RBM3: variants seen among roughly 807,000 people sequenced by gnomAD.
The protein encoded by RBM3 is RNA binding motif protein 3, also known as RNA-binding protein 3.
In RBM3, 3 loss-of-function variants were observed where a neutral mutation model predicts 12.0. The ratio of observed to expected loss-of-function variants is 0.25; its 90% CI spans 0.11 to 0.65. RBM3 has a LOEUF of 0.65. RBM3 is among the 30% of genes least tolerant of loss of function. The pLI is 0.84. For synonymous variants in RBM3, 58 were observed against 45.7 expected, an observed-to-expected ratio of 1.27 and a Z score of -1.08; for missense variants, 108 against 134.5, an observed-to-expected ratio of 0.80 and a Z score of 0.97.
At chrX:48,577,204 G>T in intron 6 of RBM3, 95 bp downstream of exon 6, 1 of 1,174,976 alleles carries the variant, frequency 8.5e-7, no homozygotes, top group Non-Finnish European at 1.1e-6. Flanking sequence ...CATTTCTGCT[G>T]CCCTCATACC....
intron 5 of RBM3, among the ~76,000 whole-genome samples, 160 bp downstream of exon 5, chrX:48,576,764 C>T (rs1305457682): frequency 3.6e-5 from 4 of 111,399 alleles, no homozygotes; most frequent in African/African-American, 9.8e-5. Flanking sequence ...CATATAGTTG[C>T]GACATGGTAA....
Position 48,577,125 on chromosome X carries a change from C to T in RBM3, c.*23+16C>T, listed in dbSNP as rs2062084414. 1 of 1,209,766 alleles carries T rather than the reference C, an allele frequency of 8.3e-7. No individual in the cohort carries two copies. Among genetic ancestry groups the T allele is most frequent in the Non-Finnish European group, 1.1e-6 (1 of 894,851 alleles). ...CATAATATAGGTGAGACTTGGATAT[C>T]GGCATTGAGTGAACCTGTTTGTCAC... On this transcript the variant is annotated intron_variant, in intron 6 of 6. Transcript: ENST00000376759.
chrX:48,577,014 T>C lies in RBM3; in HGVS notation c.414-12T>C, dbSNP rs926152. On this transcript the variant is annotated splice_polypyrimidine_tract_variant and intron_variant, in intron 5 of 6. Transcript: ENST00000376759. ...TACCAGAAAACTTTTGTGTGTTTTT[T>C]TTCCCCCCCAGAAACCAGGGTGGTT... 0.33 allele frequency: 401,356 copies of C among 1,204,791 alleles called. 46,614 individuals carry two copies. Among genetic ancestry groups the C allele is most frequent in the East Asian group, 0.47 (15,556 of 33,399 alleles).
rs782733252 is a variant in RBM3 at position 48,578,671 on chromosome X, G to A, written c.*1230G>A. ...GAGGGTTAGGTGTACATTGAGGCCTGAGGCCTGCTGGAATTGGGTTTCCTT... is the reference window on the plus strand; with the variant it reads ...GAGGGTTAGGTGTACATTGAGGCCTAAGGCCTGCTGGAATTGGGTTTCCTT... On this transcript the variant is annotated 3_prime_UTR_variant, in exon 7 of 7. Coordinates refer to ENST00000376759, the MANE Select transcript of RBM3 (RefSeq NM_006743.5). 1 of 111,921 alleles carries A rather than the reference G, an allele frequency of 8.9e-6. No individual in the cohort carries two copies. The highest frequency in any genetic ancestry group is 1.9e-5 in the Non-Finnish European group (1 of 53,228). 9.2% of individuals were successfully genotyped at this position (111,921 alleles called of 1,213,427 possible).
chrX:48,575,155 G>A lies in RBM3; in HGVS notation c.-13-13G>A, dbSNP rs1368699402. The stretch of plus-strand genomic sequence containing the variant: ...TCTCCTTCCTGCCACCATTCTTCAT[G>A]TTCTTCCCACAGGACTTGAACTGCC... On this transcript the variant is annotated splice_polypyrimidine_tract_variant and intron_variant, in intron 1 of 6. Coordinates refer to ENST00000376759, the MANE Select transcript of RBM3 (RefSeq NM_006743.5). The A allele has an allele frequency of 1.8e-6, 2 of 1,135,883 alleles. No individual in the cohort carries two copies. Among genetic ancestry groups the A allele is most frequent in the African/African-American group, 3.6e-5 (2 of 55,507 alleles). The allele number at this position is 1,135,883 out of a possible 1,213,427, so 93.6% of individuals were successfully genotyped here.
rs149944222 is a variant in RBM3, at chrX:48,575,539, C to G, written c.104-22C>G. On this transcript the variant is annotated intron_variant, in intron 2 of 6. Transcript: ENST00000376759. ...GGGGTACTGACTGGTCCACATTGCT[C>G]CATCTTCTCTCCCTCTCACAGTGGT... 9.8e-5 allele frequency: 116 copies of G among 1,184,547 alleles called. No homozygotes were observed. The African/African-American group carries it at 1.8e-3, about 19-fold the overall frequency.
intron 1 of RBM3, chrX:48,574,878 A>G (rs1045601366): frequency 5.1e-6 from 2 of 394,448 alleles, no homozygotes; most frequent in Non-Finnish European, 9.5e-6. Context: ...TGCCGGCGTT[A>G]AGGGAACGCA....
chrX:48,577,088 A>C lies in RBM3; in HGVS notation c.*2A>C. Reference sequence around the variant, plus strand: ...TACAGAGACAATTATGACAACTGAAATGAGACATGCACATAATATAGGTGA... The same window carrying C: ...TACAGAGACAATTATGACAACTGAACTGAGACATGCACATAATATAGGTGA... On this transcript the variant is annotated 3_prime_UTR_variant, in exon 6 of 7. Transcript: ENST00000376759. 1.7e-6 allele frequency: 2 copies of C among 1,211,847 alleles called. No homozygotes were observed. Among genetic ancestry groups the C allele is most frequent in the African/African-American group, 3.5e-5 (2 of 57,792 alleles).
rs1269688514 is a variant in RBM3 at position 48,574,559 on chromosome X, C to G, written c.-28C>G. On this transcript the variant is annotated 5_prime_UTR_variant, in exon 1 of 7. Coordinates refer to ENST00000376759, the MANE Select transcript of RBM3 (RefSeq NM_006743.5). ...GCTCGCTGTTCGTCCGGGTTTTTTA[C>G]GTTTTAATTTCCAGGTAAGTTGCAT... The G allele has an allele frequency of 3.0e-6, 1 of 331,179 alleles. No individual in the cohort carries two copies. The highest frequency in any genetic ancestry group is 2.6e-5 in the African/African-American group (1 of 38,045). 27.3% of individuals were successfully genotyped at this position (331,179 alleles called of 1,213,427 possible).
At chrX:48,576,681 T>A in intron 5 of RBM3, 77 bp downstream of exon 5, 1 of 1,119,767 alleles carries the variant, frequency 8.9e-7, no homozygotes, top group Non-Finnish European at 1.2e-6. Context: ...TGTTCATGCA[T>A]ACCACACCTT....
At chrX:48,575,098 G>A in intron 1 of RBM3, 70 bp from the exon 2 acceptor site, 3 of 766,302 alleles carry the variant, frequency 3.9e-6, no homozygotes, top group Non-Finnish European at 5.9e-6. Flanking sequence ...TCTGCTTTCC[G>A]TCTCGCTATT....
intron 6 of RBM3, 26 bp from the exon 7 acceptor site, chrX:48,577,439 A>G (rs1453322690): frequency 1.0e-6 from 1 of 992,021 alleles, no homozygotes; most frequent in South Asian, 2.1e-5. Context: ...ATGACATCAC[A>G]ATTCTCCCCC....
At position 48,580,342 on chromosome X, in the gene RBM3, A is replaced by G. The variant is rs2062097015; in HGVS notation, c.*2901A>G. Among the ~76,000 whole-genome samples, 1 of 111,783 alleles carries G rather than the reference A, an allele frequency of 8.9e-6. No individual in the cohort carries two copies. The highest frequency in any genetic ancestry group is 9.6e-5 in the Admixed American group (1 of 10,381). On this transcript the variant is annotated 3_prime_UTR_variant, in exon 7 of 7. Coordinates refer to ENST00000376759, the MANE Select transcript of RBM3 (RefSeq NM_006743.5). ...TTAATTTCTTCTCTGCCTCAGTTAT[A>G]ACATCCATAAAATGGAAATAATAAT...
rs1300357201 is a variant in RBM3, at chrX:48,574,816, C to T, written c.-14+243C>T. The stretch of plus-strand genomic sequence containing the variant: ...GGCGTCGGTGGTGGCAGTGACCACG[C>T]GACAGCCGACACTTACTTTCCTTAT... On this transcript the variant is annotated intron_variant, in intron 1 of 6. Coordinates refer to ENST00000376759, the MANE Select transcript of RBM3 (RefSeq NM_006743.5). The T allele has an allele frequency of 8.8e-6, 3 of 340,308 alleles. No homozygotes were observed. In the Admixed American group the frequency reaches 9.3e-5, roughly 11 times the overall value. 28.0% of individuals were successfully genotyped at this position (340,308 alleles called of 1,213,427 possible). A position where few individuals can be genotyped will look rare whatever the true frequency, so the allele number is the denominator to read the frequency against.
Position 48,576,362 on chromosome X carries a change from CG to C in RBM3, c.263del (p.Gly88GlufsTer110). 8.3e-7 allele frequency: 1 copy of C among 1,211,088 alleles called. No individual in the cohort carries two copies. The highest frequency in any genetic ancestry group is 2.2e-5 in the Admixed American group (1 of 45,938). ...TGTGGATCATGCAGGCAAGTCTGCT[CG>C]GGGAACCAGAGGAGGTGGCTTTGGG... ...IRVDHAGKSA[R>X]GTRGGGFGAH... is the part of the protein sequence containing the mutation. On this transcript the variant is annotated frameshift_variant, in exon 4 of 7. Transcript: ENST00000376759. LOFTEE classifies it high-confidence loss of function.
intron 6 of RBM3, 39 bp downstream of exon 6, chrX:48,577,148 C>T: frequency 1.7e-6 from 2 of 1,208,655 alleles, no homozygotes; most frequent in Non-Finnish European, 2.2e-6. Flanking sequence ...ACCTGTTTGT[C>T]ACACTCTGTC....
chrX:48,576,959 C>T (rs2147208479), intron 5 of RBM3, 67 bp from the exon 6 acceptor site: 1 of 1,126,457 alleles, frequency 8.9e-7, no homozygotes, highest in East Asian at 3.1e-5. Flanking sequence ...AAATGTGACG[C>T]ATATAATTAC....
intron 1 of RBM3, 44 bp downstream of exon 1, chrX:48,574,617 ACGCGCCG>A: frequency 3.0e-6 from 1 of 331,514 alleles, no homozygotes; most frequent in South Asian, 2.6e-5. Flanking sequence ...CTCGCCACAC[ACGCGCCG>A]CGCCGGCCGT....
chrX:48,579,097 A>G lies in RBM3; in HGVS notation c.*1656A>G, dbSNP rs1279604064. ...TGGTGTGTGTGTGTCTTGGGTGGTA[A>G]AGTGGTAATTTTGTAATTCTAGCTG... On this transcript the variant is annotated 3_prime_UTR_variant, in exon 7 of 7. Coordinates refer to ENST00000376759, the MANE Select transcript of RBM3 (RefSeq NM_006743.5). 9.0e-6 allele frequency: 1 copy of G among 110,863 alleles called. No individual in the cohort carries two copies. The highest frequency in any genetic ancestry group is 3.3e-5 in the African/African-American group (1 of 30,539). The allele number at this position is 110,863 out of a possible 1,213,427, so 9.1% of individuals were successfully genotyped here. A position where few individuals can be genotyped will look rare whatever the true frequency, so the allele number is the denominator to read the frequency against.
Sources: allele counts gnomAD v4.1 joint callset (sites outside exome capture counted in the v4.1 genomes callset), GRCh38; gene constraint gnomAD v4.1.1; transcripts MANE v1.5; gene names NCBI Gene and HGNC (gene_info 2026-07-23, HGNC 2026-07-21).